The following NKAIN3 variants were observed in gnomAD, a reference collection of about 807,000 sequenced individuals.
The protein encoded by NKAIN3 is sodium/potassium transporting ATPase interacting 3.
Under a neutral mutation model 30.2 loss-of-function variants are expected in NKAIN3, and 25 were observed. That is an observed-to-expected ratio of 0.83 (90% confidence interval 0.60 to 1.16). NKAIN3 has a LOEUF of 1.16. Ranked by LOEUF, NKAIN3 falls within the 50% of genes most tolerant of loss-of-function variation. The pLI is 0.00. For synonymous variants in NKAIN3, 91 were observed against 89.6 expected (o/e 1.02, Z -0.09); for missense variants, 225 against 254.1 (o/e 0.89, Z 0.78).
chr8:62,324,061 A>G (rs1400608001), intron 1 of NKAIN3, among the ~76,000 whole-genome samples: 1 of 152,126 alleles, frequency 6.6e-6, no homozygotes, highest in Non-Finnish European at 1.5e-5. Context: ...CCTTTGTCAG[A>G]ACCCATAGAA....
intron 1 of NKAIN3, among the ~76,000 whole-genome samples, chr8:62,325,672 A>G (rs189884523): frequency 6.6e-6 from 1 of 152,094 alleles, no homozygotes; most frequent in Non-Finnish European, 1.5e-5. Flanking sequence ...AATTATGGTC[A>G]TTCTTACAGG....
chr8:62,446,344 G>T (rs375147390), intron 1 of NKAIN3, among the ~76,000 whole-genome samples: 25 of 151,790 alleles, frequency 1.6e-4, no homozygotes, highest in Non-Finnish European at 2.4e-4. Context: ...CATATGGCTG[G>T]TTTTTTTTAG....
At chr8:62,531,671 T>A (rs1344066816) in intron 1 of NKAIN3, among the ~76,000 whole-genome samples, 1 of 152,170 alleles carries the variant, frequency 6.6e-6, no homozygotes, top group Non-Finnish European at 1.5e-5. Context: ...GTGCATACAT[T>A]TTTTCTGACT....
chr8:62,952,869 G>C (rs976687844), intron 5 of NKAIN3, among the ~76,000 whole-genome samples: 1 of 152,254 alleles, frequency 6.6e-6, no homozygotes, highest in Middle Eastern at 3.4e-3. Flanking sequence ...AGACATTTTA[G>C]AATGGAGCCC....
chr8:62,597,630 A>T (rs1192452722), intron 3 of NKAIN3, among the ~76,000 whole-genome samples: 2 of 151,956 alleles, frequency 1.3e-5, no homozygotes, highest in African/African-American at 4.8e-5. Context: ...AACAAAATTT[A>T]CTTAGTAGGC....
chr8:62,765,048 G>A (rs919181401), intron 4 of NKAIN3, among the ~76,000 whole-genome samples: 2 of 152,040 alleles, frequency 1.3e-5, no homozygotes, highest in African/African-American at 4.8e-5. Flanking sequence ...CTCGAGTCCA[G>A]TCTGGCCAAT....
chr8:62,810,033 A>T (rs537419759), intron 4 of NKAIN3, among the ~76,000 whole-genome samples: 210 of 152,252 alleles, frequency 1.4e-3, no homozygotes, highest in Middle Eastern at 6.8e-3. Flanking sequence ...ACAGGGTCCA[A>T]GGTGGAAGTC....
intron 6 of NKAIN3, among the ~76,000 whole-genome samples, chr8:62,963,031 A>G (rs998826691): frequency 9.9e-5 from 15 of 151,932 alleles, no homozygotes; most frequent in African/African-American, 2.9e-4. Context: ...AGCTGGGATT[A>G]CAGGTGCCTG....
At chr8:62,613,921 A>G (rs967867409) in intron 3 of NKAIN3, among the ~76,000 whole-genome samples, 3 of 151,994 alleles carry the variant, frequency 2.0e-5, no homozygotes, top group African/African-American at 7.2e-5. Context: ...AATTCTTTTT[A>G]TGCATTATCT....
At chr8:62,711,924 G>A (rs777630607) in intron 3 of NKAIN3, among the ~76,000 whole-genome samples, 6 of 152,178 alleles carry the variant, frequency 3.9e-5, no homozygotes, top group Non-Finnish European at 8.8e-5. Flanking sequence ...TTTGTCCCAC[G>A]GGGTGTTCCC....
Position 62,967,708 on chromosome 8 carries a change from A to G in NKAIN3, c.*2301A>G, listed in dbSNP as rs1259041474. On this transcript the variant is annotated 3_prime_UTR_variant, in exon 7 of 7. Transcript: ENST00000623646. ...TGTTACGATTATTGAAAAAGCTGATAAAACATCAAAACTGTAGAGAGTCAG... is the reference window on the plus strand; with the variant it reads ...TGTTACGATTATTGAAAAAGCTGATGAAACATCAAAACTGTAGAGAGTCAG... Among the ~76,000 whole-genome samples, 3 of 151,524 alleles carry G rather than the reference A, an allele frequency of 2.0e-5. No homozygotes were observed. Among genetic ancestry groups the G allele is most frequent in the Admixed American group, 2.0e-4 (3 of 15,244 alleles).
intron 1 of NKAIN3, among the ~76,000 whole-genome samples, chr8:62,310,460 G>A (rs1814392547): frequency 6.6e-6 from 1 of 150,504 alleles, no homozygotes; most frequent in Non-Finnish European, 1.5e-5. Flanking sequence ...ATTAACTTGA[G>A]CATGATTAGA....
rs1455552134 is a variant in NKAIN3, at chr8:62,975,097, A to G, written c.*9690A>G. Among the ~76,000 whole-genome samples, 7 of 152,190 alleles carry G rather than the reference A, an allele frequency of 4.6e-5. No homozygotes were observed. The highest frequency in any genetic ancestry group is 7.3e-5 in the Non-Finnish European group (5 of 68,038). ...ATTGGGGATTTTCACATAGATGTTC[A>G]TCAGGGATATTGGCCTGAAATTTTC... On this transcript the variant is annotated 3_prime_UTR_variant, in exon 7 of 7. Transcript: ENST00000623646.
intron 3 of NKAIN3, among the ~76,000 whole-genome samples, chr8:62,709,636 G>C (rs941708770): frequency 6.6e-6 from 1 of 151,900 alleles, no homozygotes; most frequent in African/African-American, 2.4e-5. Flanking sequence ...TCTTGTTAAT[G>C]GTCTCTCAAT....
chr8:62,407,171 A>C (rs1364785040), intron 1 of NKAIN3, among the ~76,000 whole-genome samples: 1 of 152,066 alleles, frequency 6.6e-6, no homozygotes, highest in African/African-American at 2.4e-5. Context: ...AAAAAAACTC[A>C]TAAATCAACC....
At chr8:62,850,381 A>G (rs1023476516) in intron 4 of NKAIN3, among the ~76,000 whole-genome samples, 1 of 152,094 alleles carries the variant, frequency 6.6e-6, no homozygotes, top group African/African-American at 2.4e-5. Flanking sequence ...GTAGATTGCA[A>G]AAATTTTCTC....
At chr8:62,710,722 T>C (rs1311957764) in intron 3 of NKAIN3, among the ~76,000 whole-genome samples, 1 of 152,200 alleles carries the variant, frequency 6.6e-6, no homozygotes, top group Non-Finnish European at 1.5e-5. Context: ...CATTCAATGT[T>C]AGTATTAAAG....
At chr8:62,355,487 T>C (rs549654029) in intron 1 of NKAIN3, among the ~76,000 whole-genome samples, 1 of 152,270 alleles carries the variant, frequency 6.6e-6, no homozygotes, top group African/African-American at 2.4e-5. Context: ...AAGAAGGAGA[T>C]GGAACCAAAT....
intron 1 of NKAIN3, among the ~76,000 whole-genome samples, chr8:62,492,179 G>A (rs1427577207): frequency 1.3e-5 from 2 of 152,040 alleles, no homozygotes; most frequent in African/African-American, 2.4e-5. Context: ...AGAAAGAGCC[G>A]GGTCAGGGAT....
Sources: allele counts gnomAD v4.1 joint callset (sites outside exome capture counted in the v4.1 genomes callset), GRCh38; gene constraint gnomAD v4.1.1; transcripts MANE v1.5; gene names NCBI Gene and HGNC (gene_info 2026-07-23, HGNC 2026-07-21).